CHRM3: variants seen among roughly 807,000 people sequenced by gnomAD.
The protein encoded by CHRM3 is cholinergic receptor muscarinic 3.
CHRM3 carries 11 observed loss-of-function variants against 41.8 expected under a neutral mutation model. The observed-to-expected ratio is 0.26, with a 90% CI of 0.17 to 0.44. CHRM3 has a LOEUF of 0.44. Among genes scored for constraint, CHRM3 ranks in the 20% least tolerant of loss-of-function variants. CHRM3 has a pLI of 1.00. For missense variants in CHRM3, 571 were observed against 745.4 expected (o/e 0.77, Z 2.72); for synonymous variants, 297 against 301.4 (o/e 0.99, Z 0.15).
intron 2 of CHRM3, among the ~76,000 whole-genome samples, chr1:239,534,115 G>T (rs917149455): frequency 6.6e-6 from 1 of 152,152 alleles, no homozygotes; most frequent in Non-Finnish European, 1.5e-5. Context: ...ATCGCTTGAG[G>T]TCAGGAGTTC....
intron 2 of CHRM3, among the ~76,000 whole-genome samples, chr1:239,529,983 C>T (rs141520199): frequency 0.012 from 1,888 of 152,054 alleles, 33 homozygotes; most frequent in South Asian, 0.04. Context: ...CTGCAAGCTC[C>T]GCCTCCCAGG....
At chr1:239,852,955 A>G (rs1225873543) in intron 6 of CHRM3, among the ~76,000 whole-genome samples, 2 of 152,102 alleles carry the variant, frequency 1.3e-5, no homozygotes, top group African/African-American at 4.8e-5. Flanking sequence ...AAGTTAATAC[A>G]TTCTGTCATG....
chr1:239,582,779 C>T (rs999725877), intron 3 of CHRM3, among the ~76,000 whole-genome samples: 2 of 152,144 alleles, frequency 1.3e-5, no homozygotes, highest in Non-Finnish European at 2.9e-5. Flanking sequence ...GCATTCTTCA[C>T]ACAGTGACTA....
chr1:239,611,582 G>A (rs1050352003), intron 3 of CHRM3, among the ~76,000 whole-genome samples: 18 of 151,808 alleles, frequency 1.2e-4, no homozygotes, highest in African/African-American at 2.7e-4. Flanking sequence ...CACCATGCCC[G>A]GCTAACTTTT....
chr1:239,450,016 A>C (rs1664449693), intron 1 of CHRM3, among the ~76,000 whole-genome samples: 1 of 152,056 alleles, frequency 6.6e-6, no homozygotes, highest in South Asian at 2.1e-4. Flanking sequence ...TAAGCATCTC[A>C]TGGCTGTTTC....
intron 6 of CHRM3, among the ~76,000 whole-genome samples, chr1:239,878,205 A>G (rs146243286): frequency 0.025 from 3,728 of 152,112 alleles, 65 homozygotes; most frequent in Non-Finnish European, 0.038. Context: ...TAATTATACA[A>G]TTCACCATAA....
Position 239,387,235 on chromosome 1 carries a change from C to T in CHRM3, c.-521+8C>T, listed in dbSNP as rs1485052300. On this transcript the variant is annotated splice_region_variant and intron_variant, in intron 1 of 6. Transcript: ENST00000676153. The surrounding 1 kb of genome is among the most constrained non-coding windows in gnomAD (Gnocchi z 5.1). ...CTGGAGCGCAGCTGCCAGGTAGGGA[C>T]GGCGCCCGCCACCCAGGCGCTGGGC... 1 of 151,924 alleles carries T rather than the reference C, an allele frequency of 6.6e-6. No homozygotes were observed. The highest frequency in any genetic ancestry group is 1.5e-5 in the Non-Finnish European group (1 of 67,988). The allele number at this position is 151,924 out of a possible 1,614,324, so 9.4% of individuals were successfully genotyped here.
intron 5 of CHRM3, among the ~76,000 whole-genome samples, chr1:239,811,177 G>C (rs937807670): frequency 6.6e-6 from 1 of 152,232 alleles, no homozygotes; most frequent in Non-Finnish European, 1.5e-5. Flanking sequence ...AGGATGTGCT[G>C]TGACTGGAGA....
At chr1:239,896,266 C>T (rs1242030173) in intron 6 of CHRM3, among the ~76,000 whole-genome samples, 2 of 152,188 alleles carry the variant, frequency 1.3e-5, no homozygotes, top group Non-Finnish European at 2.9e-5. Flanking sequence ...TTCCTCAAGA[C>T]TCACAAAATG....
chr1:239,828,654 T>C (rs949735350), intron 6 of CHRM3, among the ~76,000 whole-genome samples: 7 of 152,032 alleles, frequency 4.6e-5, no homozygotes, highest in African/African-American at 1.7e-4. Flanking sequence ...ACAGCATAGA[T>C]GCAGAACGGA....
chr1:239,516,104 T>G (rs1204905046), intron 2 of CHRM3, among the ~76,000 whole-genome samples: 1 of 152,240 alleles, frequency 6.6e-6, no homozygotes, highest in Non-Finnish European at 1.5e-5. Context: ...TTTTTTTTTG[T>G]GCTTACTTGC....
intron 5 of CHRM3, chr1:239,706,795 C>G (rs191270765): frequency 1.3e-5 from 2 of 152,344 alleles, no homozygotes; most frequent in Non-Finnish European, 2.9e-5. Flanking sequence ...GAGGCATGCA[C>G]AGGCATGCAC....
intron 1 of CHRM3, among the ~76,000 whole-genome samples, chr1:239,460,691 A>G (rs1665292933): frequency 6.6e-6 from 1 of 152,220 alleles, no homozygotes; most frequent in Non-Finnish European, 1.5e-5. Context: ...GATAAGGGAA[A>G]TAATGATATA....
intron 5 of CHRM3, among the ~76,000 whole-genome samples, chr1:239,680,767 T>A (rs1658482423): frequency 6.6e-6 from 1 of 151,944 alleles, no homozygotes; most frequent in South Asian, 2.1e-4. Flanking sequence ...CTCCTTCTGC[T>A]CAGACATGTA....
rs1022741486 is a variant in CHRM3 at position 239,914,679 on chromosome 1, C to T, written c.*5455C>T. The stretch of plus-strand genomic sequence containing the variant: ...GATAATTCTTTTGGAACAGGCTTCT[C>T]GGTTACTTGCCTTAGTAAAAGAAGT... On this transcript the variant is annotated 3_prime_UTR_variant, in exon 7 of 7. Transcript: ENST00000676153. 3.6e-5 allele frequency: 6 copies of T among 167,078 alleles called. No individual in the cohort carries two copies. The highest frequency in any genetic ancestry group is 7.2e-5 in the African/African-American group (3 of 41,530). The allele number at this position is 167,078 out of a possible 1,614,324, so 10.3% of individuals were successfully genotyped here. A position where few individuals can be genotyped will look rare whatever the true frequency, so the allele number is the denominator to read the frequency against.
chr1:239,771,894 A>G (rs754391750), intron 5 of CHRM3, among the ~76,000 whole-genome samples: 19 of 152,226 alleles, frequency 1.2e-4, no homozygotes, highest in Admixed American at 4.6e-4. Context: ...TATCCACAGT[A>G]TATTCTTAGG....
chr1:239,552,615 C>A (rs1659975101), intron 3 of CHRM3, among the ~76,000 whole-genome samples: 1 of 139,006 alleles, frequency 7.2e-6, no homozygotes. Flanking sequence ...GCTCATGCTC[C>A]ACACCTGACT....
intron 3 of CHRM3, among the ~76,000 whole-genome samples, chr1:239,612,249 T>G (rs1192572308): frequency 6.6e-6 from 1 of 152,254 alleles, no homozygotes; most frequent in East Asian, 1.9e-4. Flanking sequence ...TTAATTTTTA[T>G]TTTAATTAAT....
intron 1 of CHRM3, among the ~76,000 whole-genome samples, chr1:239,487,529 C>A (rs559828883): frequency 1.3e-5 from 2 of 152,046 alleles, no homozygotes; most frequent in African/African-American, 2.4e-5. Context: ...TGTAAAAAAA[C>A]CAAACACTTC....
Sources: gnomAD v4.1 joint callset for allele counts (sites outside exome capture counted in the v4.1 genomes callset) on GRCh38, gnomAD v4.1.1 for gene constraint, Gnocchi (gnomAD v3.1) non-coding constraint, MANE v1.5 for transcripts, NCBI Gene and HGNC (gene_info 2026-07-23, HGNC 2026-07-21) for gene names.